The following LARP1B variants were observed in gnomAD, a reference collection of about 807,000 sequenced individuals.
LARP1B encodes the protein La ribonucleoprotein 1B.
In LARP1B, 76 loss-of-function variants were observed where a neutral mutation model predicts 114.2. That is an observed-to-expected ratio of 0.67 (90% CI 0.55 to 0.81). The LOEUF (loss-of-function observed/expected upper bound fraction) is 0.81. LARP1B is among the 30% of genes least tolerant of loss of function. The pLI is 0.00. For synonymous variants in LARP1B, 345 were observed against 348.0 expected, an observed-to-expected ratio of 0.99 and a Z score of 0.10; for missense variants, 1,014 against 1,075.8, an observed-to-expected ratio of 0.94 and a Z score of 0.80.
intron 16 of LARP1B, 85 bp from the exon 17 acceptor site, chr4:128,200,436 C>T (rs939966795): frequency 1.1e-6 from 1 of 901,188 alleles, no homozygotes; most frequent in Non-Finnish European, 1.6e-6. Flanking sequence ...TATGGTTGAG[C>T]TTTCTTCATT....
chr4:128,165,797 A>G (rs1320982229), intron 12 of LARP1B, among the ~76,000 whole-genome samples: 1 of 152,072 alleles, frequency 6.6e-6, no homozygotes, highest in Non-Finnish European at 1.5e-5. Flanking sequence ...TCTGTCCTGA[A>G]ACACATTTTT....
chr4:128,185,792 T>C (rs553133519), intron 15 of LARP1B, among the ~76,000 whole-genome samples: 23 of 152,314 alleles, frequency 1.5e-4, no homozygotes, highest in African/African-American at 4.8e-4. Flanking sequence ...TTTCCCAATA[T>C]TTTCTTCTAG....
In LARP1B at chr4:128,124,150, C is replaced by T. The variant is rs150082731; in HGVS notation, c.1524+1962C>T. 6.6e-5 allele frequency among the ~76,000 whole-genome samples: 10 copies of T among 152,228 alleles called. No individual in the cohort carries two copies. In the East Asian group the frequency reaches 1.9e-3, roughly 29 times the overall value. ...CCAGACACTGCTTAGAAACTGGGCA[C>T]AGAGTGAGAAGGTAACAAATAGGGT... is the stretch of plus-strand genomic sequence containing the variant. On this transcript the variant is annotated intron_variant, in intron 11 of 19. Transcript: ENST00000326639.
downstream of LARP1B, among the ~76,000 whole-genome samples, chr4:128,214,309 A>G (rs4975273): frequency 0.61 from 87,519 of 144,274 alleles, 28,317 homozygotes; most frequent in Middle Eastern, 0.82. Context: ...CCACAGCTCA[A>G]GGAGGCCTGC....
chr4:128,138,107 TA>T (rs1408119176), intron 11 of LARP1B, among the ~76,000 whole-genome samples: 1 of 151,948 alleles, frequency 6.6e-6, no homozygotes, highest in Non-Finnish European at 1.5e-5. Context: ...TAAACTCCCA[TA>T]AAAAATATGG....
intron 12 of LARP1B, among the ~76,000 whole-genome samples, chr4:128,170,494 T>C (rs983468383): frequency 1.3e-5 from 2 of 152,208 alleles, no homozygotes; most frequent in African/African-American, 2.4e-5. Context: ...TGTATTTTGC[T>C]TTATTTATTT....
intron 5 of LARP1B, among the ~76,000 whole-genome samples, chr4:128,087,445 AT>A (rs1241249378): frequency 1.3e-5 from 2 of 152,326 alleles, no homozygotes; most frequent in East Asian, 3.9e-4. Context: ...GATTAAAAAA[AT>A]TTCCAATATA....
At chr4:128,200,203 CT>C (rs890850471) in intron 16 of LARP1B, among the ~76,000 whole-genome samples, 1 of 152,204 alleles carries the variant, frequency 6.6e-6, no homozygotes, top group African/African-American at 2.4e-5. Context: ...AGTCCTCAAT[CT>C]TTTTGGCACC....
chr4:128,066,165 C>CTTTTTTTTTTTTTTTTTCTT (rs1762731925), intron 1 of LARP1B, among the ~76,000 whole-genome samples: 1 of 99,188 alleles, frequency 1.0e-5, no homozygotes, highest in African/African-American at 3.8e-5. Flanking sequence ...TTTCTTTCTT[C>CTTTTTTTTTTTTTTTTTCTT]TTTTTTTTTT....
At chr4:128,194,745 T>G (rs1313388090) in intron 15 of LARP1B, among the ~76,000 whole-genome samples, 2 of 140,266 alleles carry the variant, frequency 1.4e-5, no homozygotes, top group Admixed American at 7.3e-5. Flanking sequence ...CGCTCACTGG[T>G]AATCCCAACT....
At chr4:128,083,842 G>A (rs1236769950) in intron 5 of LARP1B, among the ~76,000 whole-genome samples, 5 of 150,838 alleles carry the variant, frequency 3.3e-5, no homozygotes, top group South Asian at 2.1e-4. Flanking sequence ...GCTGCCGGGC[G>A]GAGACGCTCC....
chr4:128,149,285 T>C (rs1197487067), intron 11 of LARP1B, among the ~76,000 whole-genome samples: 2 of 152,184 alleles, frequency 1.3e-5, no homozygotes, highest in African/African-American at 2.4e-5. Context: ...GCAAAGTGTC[T>C]TGAAAGCTTT....
chr4:128,110,538 G>A (rs555036152), intron 9 of LARP1B, among the ~76,000 whole-genome samples: 34 of 149,254 alleles, frequency 2.3e-4, no homozygotes, highest in African/African-American at 7.8e-4. Context: ...TTAGCCGGGC[G>A]TAGTGGCGGG....
chr4:128,213,510 A>T (rs997596001), downstream of LARP1B, among the ~76,000 whole-genome samples: 1 of 152,148 alleles, frequency 6.6e-6, no homozygotes, highest in Non-Finnish European at 1.5e-5. Context: ...GTAAAATTTT[A>T]AAAAACTATA....
At position 128,211,010 on chromosome 4, in the gene LARP1B, T is replaced by C. The variant is rs1051394656; in HGVS notation, c.*957T>C. On this transcript the variant is annotated 3_prime_UTR_variant, in exon 20 of 20. Coordinates refer to ENST00000326639, the MANE Select transcript of LARP1B (RefSeq NM_018078.4). ...CTTTTTGTTTATTTTTTGTTTAATT[T>C]TGTTTTTATAAATGTTTTCAAGAGT... The C allele has an allele frequency of 6.5e-6, 6 of 920,440 alleles. No individual in the cohort carries two copies. The highest frequency in any genetic ancestry group is 7.8e-6 in the Non-Finnish European group (6 of 770,982). The allele number at this position is 920,440 out of a possible 1,614,324, so 57.0% of individuals were successfully genotyped here. A position where few individuals can be genotyped will look rare whatever the true frequency, so the allele number is the denominator to read the frequency against.
At chr4:128,176,232 C>A (rs949365380) in intron 12 of LARP1B, among the ~76,000 whole-genome samples, 3 of 136,344 alleles carry the variant, frequency 2.2e-5, no homozygotes, top group Admixed American at 7.6e-5. Context: ...TTTATATATA[C>A]ATTTATATAA....
intron 7 of LARP1B, among the ~76,000 whole-genome samples, chr4:128,093,899 C>T (rs915313625): frequency 2.6e-5 from 4 of 151,518 alleles, no homozygotes; most frequent in East Asian, 2.0e-4. Flanking sequence ...TTAGTAGAGA[C>T]GGGGTTTCAT....
At chr4:128,204,870 A>C (rs1022568634) in intron 17 of LARP1B, among the ~76,000 whole-genome samples, 1 of 151,888 alleles carries the variant, frequency 6.6e-6, no homozygotes, top group African/African-American at 2.4e-5. Flanking sequence ...TAAAAATTAA[A>C]AAAAAAGATC....
intron 9 of LARP1B, 59 bp from the exon 10 acceptor site, chr4:128,114,511 A>G (rs1436141830): frequency 3.9e-6 from 5 of 1,279,526 alleles, no homozygotes; most frequent in Non-Finnish European, 5.5e-6. Flanking sequence ...AATGAAGTGT[A>G]TTTTGTAAGT....
Sources: gnomAD v4.1 joint callset for allele counts (sites outside exome capture counted in the v4.1 genomes callset) on GRCh38, gnomAD v4.1.1 for gene constraint, MANE v1.5 for transcripts, NCBI Gene and HGNC (gene_info 2026-07-23, HGNC 2026-07-21) for gene names.